Variants in COL16A1 observed in about 807,000 individuals in gnomAD.
COL16A1 encodes collagen alpha-1(XVI) chain.
A neutral mutation model predicts 266.3 loss-of-function variants in COL16A1; 189 were observed. The ratio of observed to expected loss-of-function variants is 0.71; its 90% CI spans 0.63 to 0.80. The LOEUF is 0.80. Ranked by LOEUF, COL16A1 falls within the 30% of genes least tolerant of loss-of-function variation. The pLI is 0.00. For synonymous variants in COL16A1, 740 were observed against 782.3 expected (o/e 0.95, Z 0.90); for missense variants, 1,928 against 2,122.4 (o/e 0.91, Z 1.80).
Position 31,679,606 on chromosome 1 carries a change from CTCCTCA to C in COL16A1, c.2772+20_2772+25del. 6.2e-7 allele frequency: 1 copy of C among 1,614,234 alleles called. No homozygotes were observed. ...TGACCCATGAGCTCTGCCACCCAAGCTCCTCATTCTCTTCTCCCCCTTTACCTGCAG... is the reference window on the plus strand; with the variant it reads ...TGACCCATGAGCTCTGCCACCCAAGCTTCTCTTCTCCCCCTTTACCTGCAG... On this transcript the variant is annotated intron_variant, in intron 42 of 70. Coordinates refer to ENST00000373672, the MANE Select transcript of COL16A1 (RefSeq NM_001856.4).
intron 44 of COL16A1, among the ~76,000 whole-genome samples, 168 bp downstream of exon 44, chr1:31,674,839 T>C (rs552835670): frequency 6.6e-6 from 1 of 152,300 alleles, no homozygotes; most frequent in African/African-American, 2.4e-5. Context: ...TGGGGGCCTG[T>C]TACAAGCCAG....
chr1:31,691,932 C>T, intron 17 of COL16A1, 73 bp downstream of exon 17: 3 of 1,606,484 alleles, frequency 1.9e-6, no homozygotes, highest in Middle Eastern at 1.7e-4. Context: ...GGGCTGGATT[C>T]CCGAAGGTTA....
In COL16A1 at chr1:31,696,206, G is replaced by A. The variant is rs1644492402; in HGVS notation, c.865-65C>T. The A allele has an allele frequency of 2.0e-6, 3 of 1,472,166 alleles. No homozygotes were observed. In the African/African-American group the frequency reaches 4.2e-5, roughly 20 times the overall value. 91.2% of individuals were successfully genotyped at this position (1,472,166 alleles called of 1,614,324 possible). On this transcript the variant is annotated intron_variant, in intron 8 of 70. Coordinates refer to ENST00000373672, the MANE Select transcript of COL16A1 (RefSeq NM_001856.4). Reference sequence around the variant, plus strand: ...AAGTTCTGGGGTCCAGGCTGGAAAGGGGCACCCAGGCAGGGGGCATGGGCC... The same window carrying A: ...AAGTTCTGGGGTCCAGGCTGGAAAGAGGCACCCAGGCAGGGGGCATGGGCC...
intron 42 of COL16A1, chr1:31,679,345 C>A: frequency 7.1e-7 from 1 of 1,417,258 alleles, no homozygotes; most frequent in Non-Finnish European, 9.4e-7. Flanking sequence ...AAACAGTGGG[C>A]CGGGCTCTGT....
At chr1:31,655,214 T>C (rs1322416411) in intron 67 of COL16A1, 100 bp downstream of exon 67, 1 of 1,507,618 alleles carries the variant, frequency 6.6e-7, no homozygotes. Context: ...CCAGGCTCTT[T>C]CCCACAGAAT....
intron 42 of COL16A1, among the ~76,000 whole-genome samples, chr1:31,677,485 T>C (rs1455690544): frequency 6.6e-6 from 1 of 152,236 alleles, no homozygotes; most frequent in Admixed American, 6.5e-5. Flanking sequence ...TTGTAATTGT[T>C]TTCCTGACCT....
Position 31,670,136 on chromosome 1 carries a change from T to C in COL16A1, c.3195+466A>G, listed in dbSNP as rs563815805. The C allele has an allele frequency of 1.6e-3, 251 of 158,344 alleles. No homozygotes were observed. Among genetic ancestry groups the C allele is most frequent in the Non-Finnish European group, 1.7e-3 (121 of 72,242 alleles). 9.8% of individuals were successfully genotyped at this position (158,344 alleles called of 1,614,324 possible). A position where few individuals can be genotyped will look rare whatever the true frequency, so the allele number is the denominator to read the frequency against. ...AGCCCTAAAGCTTTGGCATCTCTGCTGGGCTCTGAGCCAGGTGCCTGGCAG... is the reference window on the plus strand; with the variant it reads ...AGCCCTAAAGCTTTGGCATCTCTGCCGGGCTCTGAGCCAGGTGCCTGGCAG... On this transcript the variant is annotated intron_variant, in intron 49 of 70. Coordinates refer to ENST00000373672, the MANE Select transcript of COL16A1 (RefSeq NM_001856.4). The surrounding 1 kb of genome is among the most constrained non-coding windows in gnomAD (Gnocchi z 4.5).
chr1:31,696,012 C>G, intron 9 of COL16A1, 76 bp downstream of exon 9: 1 of 1,348,998 alleles, frequency 7.4e-7, no homozygotes, highest in Non-Finnish European at 1.1e-6. Context: ...AGTGGAGCAC[C>G]TTATCCCTGG....
chr1:31,692,029 G>A lies in COL16A1; in HGVS notation c.1233C>T (p.Gly411=), dbSNP rs753486144. Reference sequence around the variant, plus strand: ...CGTCCCGGCCTGGCTTTCCCGGCACGCCCTTGATGCCTCCGTCGCCCTTCT... The same window carrying A: ...CGTCCCGGCCTGGCTTTCCCGGCACACCCTTGATGCCTCCGTCGCCCTTCT... ...KGEKGDGGIK[G]VPGKPGRDGR... The change falls in exon 17 of 71, where the codon GGC becomes GGT. Residue 411 remains glycine, a synonymous_variant. Coordinates refer to ENST00000373672, the MANE Select transcript of COL16A1 (RefSeq NM_001856.4). The A allele has an allele frequency of 8.4e-5, 136 of 1,613,736 alleles. No homozygotes were observed. The highest frequency in any genetic ancestry group is 1.0e-4 in the Non-Finnish European group (123 of 1,180,008).
chr1:31,659,943 G>T (rs1641497731), intron 62 of COL16A1: 1 of 147,424 alleles, frequency 6.8e-6, no homozygotes, highest in Admixed American at 6.9e-5. Context: ...AGTGATGGGG[G>T]CCTGAGAGTT....
At position 31,680,129 on chromosome 1, in the gene COL16A1, A is replaced by G. The variant is rs755096292; in HGVS notation, c.2611-28T>C. The G allele has an allele frequency of 1.1e-5, 18 of 1,608,960 alleles. No individual in the cohort carries two copies. In the South Asian group the frequency reaches 2.0e-4, roughly 18 times the overall value. On this transcript the variant is annotated intron_variant, in intron 39 of 70. Transcript: ENST00000373672. The stretch of plus-strand genomic sequence containing the variant: ...GAAAATACAAGAGCCTTTGTGAGAC[A>G]TGGATGAAGACGAAGGGCTCTCTTG...
rs772440935 is a variant in COL16A1, at chr1:31,671,595, A to G, written c.3150+20T>C. ...CCTTTGAGAGCTTCTCAAGCAGACC[A>G]GGGCACCACTGATACTTACGATAGG... is the stretch of plus-strand genomic sequence containing the variant. On this transcript the variant is annotated intron_variant, in intron 48 of 70. Coordinates refer to ENST00000373672, the MANE Select transcript of COL16A1 (RefSeq NM_001856.4). 3 of 1,614,022 alleles carry G rather than the reference A, an allele frequency of 1.9e-6. No individual in the cohort carries two copies. In the Admixed American group the frequency reaches 5.0e-5, roughly 27 times the overall value.
rs544351163 is a variant in COL16A1 at position 31,698,987 on chromosome 1, C to G, written c.267-381G>C. On this transcript the variant is annotated intron_variant, in intron 4 of 70. Transcript: ENST00000373672. This position sits in a 1 kb window ranked among gnomAD's most constrained non-coding sequence, Gnocchi z 4.1. Reference sequence around the variant, plus strand: ...GCAGGCGCCTGTAATCCCAGCTACCCGGGAGGCTGAGGCAGGAGAATTGCT... The same window carrying G: ...GCAGGCGCCTGTAATCCCAGCTACCGGGGAGGCTGAGGCAGGAGAATTGCT... Among the ~76,000 whole-genome samples the G allele has an allele frequency of 1.3e-5, 2 of 152,020 alleles. No homozygotes were observed. Among genetic ancestry groups the G allele is most frequent in the African/African-American group, 4.8e-5 (2 of 41,382 alleles).
Position 31,668,687 on chromosome 1 carries a change from C to T in COL16A1, c.3249+115G>A, listed in dbSNP as rs1275694645. The T allele has an allele frequency of 2.6e-6, 3 of 1,137,720 alleles. No homozygotes were observed. Among genetic ancestry groups the T allele is most frequent in the Non-Finnish European group, 4.0e-6 (3 of 757,252 alleles). The allele number at this position is 1,137,720 out of a possible 1,614,324, so 70.5% of individuals were successfully genotyped here. On this transcript the variant is annotated intron_variant, in intron 50 of 70. Transcript: ENST00000373672. The surrounding 1 kb of genome is among the most constrained non-coding windows in gnomAD (Gnocchi z 5.8). Reference sequence around the variant, plus strand: ...ATCCCGGCAGAAGGGCAGAGAGTCTCAAGGAGTCCACCTCCCAGCTTCCAC... The same window carrying T: ...ATCCCGGCAGAAGGGCAGAGAGTCTTAAGGAGTCCACCTCCCAGCTTCCAC...
intron 42 of COL16A1, among the ~76,000 whole-genome samples, chr1:31,677,438 C>T (rs930669630): frequency 1.3e-5 from 2 of 152,248 alleles, no homozygotes; most frequent in African/African-American, 4.8e-5. Flanking sequence ...CCTTGCTCCC[C>T]TCTCCAGGGC....
Position 31,685,863 on chromosome 1 carries a change from C to A in COL16A1, c.1885-93G>T. 1 of 1,571,798 alleles carries A rather than the reference C, an allele frequency of 6.4e-7. No homozygotes were observed. Among genetic ancestry groups the A allele is most frequent in the South Asian group, 1.2e-5 (1 of 86,254 alleles). On this transcript the variant is annotated intron_variant, in intron 28 of 70. Coordinates refer to ENST00000373672, the MANE Select transcript of COL16A1 (RefSeq NM_001856.4). This position sits in a 1 kb window ranked among gnomAD's most constrained non-coding sequence, Gnocchi z 4.0. ...CTAGGGCTGGGGAATGTCACTGGGTCTGACACTGCACCTCTGCTGGGTGAG... is the reference window on the plus strand; with the variant it reads ...CTAGGGCTGGGGAATGTCACTGGGTATGACACTGCACCTCTGCTGGGTGAG...
Position 31,656,143 on chromosome 1 carries a change from T to A in COL16A1, c.4101+257A>T, listed in dbSNP as rs1210133532. The A allele has an allele frequency of 1.7e-6, 1 of 582,750 alleles. No homozygotes were observed. Among genetic ancestry groups the A allele is most frequent in the African/African-American group, 1.9e-5 (1 of 52,826 alleles). The allele number at this position is 582,750 out of a possible 1,614,324, so 36.1% of individuals were successfully genotyped here. A position where few individuals can be genotyped will look rare whatever the true frequency, so the allele number is the denominator to read the frequency against. ...TGGAATGTGAGCAGGAGCAAGGGAG[T>A]GCTCGGGAAATGGAAACAATGAATG... On this transcript the variant is annotated intron_variant, in intron 66 of 70. Coordinates refer to ENST00000373672, the MANE Select transcript of COL16A1 (RefSeq NM_001856.4). The surrounding 1 kb of genome is among the most constrained non-coding windows in gnomAD (Gnocchi z 4.2).
Position 31,689,080 on chromosome 1 carries a change from G to T in COL16A1, c.1626C>A (p.Asp542Glu), listed in dbSNP as rs747501482. ...EPGDPVPARG[D>E]PGIQGIKGEK... Reference sequence around the variant, plus strand: ...CTCCTTTGATGCCTTGGATGCCAGGGTCTCCCTGCAGGGTAAAAAGGTTTG... The same window carrying T: ...CTCCTTTGATGCCTTGGATGCCAGGTTCTCCCTGCAGGGTAAAAAGGTTTG... The change falls in exon 24 of 71, where the codon GAC becomes GAA. Residue 542 changes from aspartate to glutamate, a missense_variant. Transcript: ENST00000373672. The T allele has an allele frequency of 1.2e-6, 2 of 1,613,816 alleles. No homozygotes were observed. The highest frequency in any genetic ancestry group is 2.2e-5 in the South Asian group (2 of 91,070).
Position 31,670,746 on chromosome 1 carries a change from T to A in COL16A1, c.3151-100A>T. 126 of 903,796 alleles carry A rather than the reference T, an allele frequency of 1.4e-4. No homozygotes were observed. The highest frequency in any genetic ancestry group is 1.8e-4 in the Non-Finnish European group (117 of 650,182). The allele number at this position is 903,796 out of a possible 1,614,324, so 56.0% of individuals were successfully genotyped here. On this transcript the variant is annotated intron_variant, in intron 48 of 70. Transcript: ENST00000373672. The surrounding 1 kb of genome is among the most constrained non-coding windows in gnomAD (Gnocchi z 4.5). ...GCTTGGGGGTCATGGGGAGAGGAGG[T>A]CATGGGAGTATTTTCAAGGCAGCTG...
Sources: allele counts gnomAD v4.1 joint callset (sites outside exome capture counted in the v4.1 genomes callset), GRCh38; gene constraint gnomAD v4.1.1; non-coding constraint Gnocchi (gnomAD v3.1); transcripts MANE v1.5; gene names NCBI Gene and HGNC (gene_info 2026-07-23, HGNC 2026-07-21).